MAPKAPK3: variants seen among roughly 807,000 people sequenced by gnomAD.
The protein encoded by MAPKAPK3 is MAP kinase-activated protein kinase 3.
Under a neutral mutation model 49.2 loss-of-function variants are expected in MAPKAPK3, and 35 were observed. The ratio of observed to expected loss-of-function variants is 0.71; its 90% confidence interval spans 0.54 to 0.94. The LOEUF is 0.94. MAPKAPK3 is among the 40% of genes least tolerant of loss of function. The pLI is 0.00. For synonymous variants in MAPKAPK3, 178 were observed against 188.7 expected (o/e 0.94, Z 0.46); for missense variants, 398 against 493.1 (o/e 0.81, Z 1.83).
upstream of MAPKAPK3, chr3:50,611,588 G>A (rs965341355): frequency 2.6e-6 from 4 of 1,522,896 alleles, no homozygotes; most frequent in African/African-American, 4.3e-5. Flanking sequence ...TCTCCCGTGC[G>A]CCCCTCGTGG....
intron 2 of MAPKAPK3, among the ~76,000 whole-genome samples, chr3:50,635,004 C>A (rs1433737341): frequency 5.3e-5 from 8 of 152,174 alleles, no homozygotes; most frequent in Non-Finnish European, 5.9e-5. Flanking sequence ...CTTATCTCCC[C>A]CACCCTATAT....
chr3:50,626,196 G>A (rs1271443483), intron 2 of MAPKAPK3, among the ~76,000 whole-genome samples: 1 of 152,144 alleles, frequency 6.6e-6, no homozygotes, highest in African/African-American at 2.4e-5. Flanking sequence ...ACTAGGCACA[G>A]TACGACCCCC....
chr3:50,642,875 A>G (rs1486357328), intron 5 of MAPKAPK3, among the ~76,000 whole-genome samples: 1 of 152,130 alleles, frequency 6.6e-6, no homozygotes, highest in East Asian at 1.9e-4. Context: ...TTTTTGAGAC[A>G]GAGTCTCACT....
chr3:50,644,021 G>A lies in MAPKAPK3; in HGVS notation c.505-388G>A, dbSNP rs11916715. ...ATGGGGCTGTCCTTCTAGCCCTGTA[G>A]GATTCACTCTGGGCTGGGTATGGGA... On this transcript the variant is annotated intron_variant, in intron 5 of 10. Transcript: ENST00000621469. 4.6e-3 allele frequency among the ~76,000 whole-genome samples: 708 copies of A among 152,278 alleles called. 4 individuals carry two copies. The highest frequency in any genetic ancestry group is 0.014 in the African/African-American group (593 of 41,554).
At chr3:50,642,204 C>T in intron 4 of MAPKAPK3, 49 bp from the exon 5 acceptor site, 1 of 1,272,932 alleles carries the variant, frequency 7.9e-7, no homozygotes, top group Non-Finnish European at 1.1e-6. Context: ...AGGGTGGGGG[C>T]TTGACCTTTG....
At chr3:50,620,772 C>G (rs145134453) in intron 2 of MAPKAPK3, among the ~76,000 whole-genome samples, 1 of 152,220 alleles carries the variant, frequency 6.6e-6, no homozygotes, top group Non-Finnish European at 1.5e-5. Flanking sequence ...TACCCCAAGC[C>G]CTCATTGCTG....
chr3:50,646,381 A>ATAGCTGGGAAGAG, intron 8 of MAPKAPK3, 117 bp downstream of exon 8: 1 of 1,400,876 alleles, frequency 7.1e-7, no homozygotes, highest in Non-Finnish European at 9.9e-7. Flanking sequence ...CCCTCTTTCC[A>ATAGCTGGGAAGAG]GCTATGGGAC....
chr3:50,613,719 G>T (rs1219426908), upstream of MAPKAPK3: 1 of 152,132 alleles, frequency 6.6e-6, no homozygotes, highest in Non-Finnish European at 1.5e-5. Flanking sequence ...CACTTACTAT[G>T]TGTCAAGCAC....
At chr3:50,629,727 C>T (rs188541202) in intron 2 of MAPKAPK3, among the ~76,000 whole-genome samples, 13 of 152,296 alleles carry the variant, frequency 8.5e-5, no homozygotes, top group Admixed American at 2.0e-4. Flanking sequence ...CTGGGAGCCT[C>T]GCTCAGGTCC....
At chr3:50,645,642 C>A in intron 6 of MAPKAPK3, 68 bp from the exon 7 acceptor site, 2 of 1,355,748 alleles carry the variant, frequency 1.5e-6, no homozygotes, top group Non-Finnish European at 2.1e-6. Flanking sequence ...CTTGCCCAGG[C>A]TTTAGGCTCC....
At chr3:50,625,353 G>A (rs1269418915) in intron 2 of MAPKAPK3, among the ~76,000 whole-genome samples, 3 of 152,198 alleles carry the variant, frequency 2.0e-5, no homozygotes, top group Non-Finnish European at 4.4e-5. Flanking sequence ...CCCCTTGAGG[G>A]ACAGGAAAGA....
At chr3:50,617,902 G>C (rs2032513407) in intron 2 of MAPKAPK3, 118 bp downstream of exon 2, 10 of 760,694 alleles carry the variant, frequency 1.3e-5, no homozygotes, top group Non-Finnish European at 2.2e-5. Flanking sequence ...ATGTTTCATC[G>C]TCATACTGTC....
intron 2 of MAPKAPK3, among the ~76,000 whole-genome samples, chr3:50,639,276 T>C (rs2033115514): frequency 6.6e-6 from 1 of 152,058 alleles, no homozygotes; most frequent in Admixed American, 6.6e-5. Flanking sequence ...AGGAATTCAA[T>C]CCCAAACCCA....
chr3:50,617,760 C>T lies in MAPKAPK3; in HGVS notation c.195C>T (p.Arg65=). ...NGKVLECFHR[R]TGQKCALKLL... ...AAGTGCTGGAGTGCTTCCATCGGCGCACTGGACAGAAGTGTGCCCTGAAGG... is the reference window on the plus strand; with the variant it reads ...AAGTGCTGGAGTGCTTCCATCGGCGTACTGGACAGAAGTGTGCCCTGAAGG... The change falls in exon 2 of 11, where the codon CGC becomes CGT. Residue 65 remains arginine, a synonymous_variant. Transcript: ENST00000621469. The T allele has an allele frequency of 1.2e-6, 2 of 1,613,598 alleles. No homozygotes were observed. The highest frequency in any genetic ancestry group is 1.7e-6 in the Non-Finnish European group (2 of 1,180,004).
At chr3:50,624,828 C>T (rs1015334159) in intron 2 of MAPKAPK3, among the ~76,000 whole-genome samples, 3 of 152,166 alleles carry the variant, frequency 2.0e-5, no homozygotes, top group Non-Finnish European at 4.4e-5. Context: ...GAGAGGCATT[C>T]CAAGCATACC....
rs570437690 is a variant in MAPKAPK3, at chr3:50,629,422, T to C, written c.220-10944T>C. On this transcript the variant is annotated intron_variant, in intron 2 of 10. Transcript: ENST00000621469. ...CCAGGAACTGTTTTCACCCATACCA[T>C]CATGGCCCCCAATACCTTCAGTGTG... 3.9e-5 allele frequency among the ~76,000 whole-genome samples: 6 copies of C among 152,316 alleles called. No homozygotes were observed. The South Asian group carries it at 1.2e-3, about 32-fold the overall frequency.
intron 2 of MAPKAPK3, among the ~76,000 whole-genome samples, chr3:50,633,442 A>G (rs999646751): frequency 6.6e-6 from 1 of 151,660 alleles, no homozygotes; most frequent in Non-Finnish European, 1.5e-5. Context: ...ACACACACAC[A>G]CCCACATGCC....
chr3:50,644,331 T>C, intron 5 of MAPKAPK3, 78 bp from the exon 6 acceptor site: 1 of 1,552,762 alleles, frequency 6.4e-7, no homozygotes, highest in Non-Finnish European at 8.8e-7. Flanking sequence ...AGTCGGGGAG[T>C]CTGGCTGAAG....
At chr3:50,636,188 G>A (rs531529461) in intron 2 of MAPKAPK3, among the ~76,000 whole-genome samples, 25 of 152,312 alleles carry the variant, frequency 1.6e-4, no homozygotes, top group African/African-American at 5.8e-4. Flanking sequence ...ACCTAGAGGT[G>A]GCCAGGCAGA....
Sources: gnomAD v4.1 joint callset for allele counts (sites outside exome capture counted in the v4.1 genomes callset) on GRCh38, gnomAD v4.1.1 for gene constraint, MANE v1.5 for transcripts, NCBI Gene and HGNC (gene_info 2026-07-23, HGNC 2026-07-21) for gene names.